The following RGS6 variants were observed in gnomAD, a reference collection of about 807,000 sequenced individuals.
The protein encoded by RGS6 is regulator of G-protein signaling 6.
A neutral mutation model predicts 78.5 loss-of-function variants in RGS6; 30 were observed. The ratio of observed to expected loss-of-function variants is 0.38; its 90% confidence interval spans 0.29 to 0.52. The LOEUF is 0.52. RGS6 is among the 20% of genes least tolerant of loss of function. The pLI is 0.85. For synonymous variants in RGS6, 206 were observed against 206.0 expected (o/e 1.00, Z 0.00); for missense variants, 495 against 609.7 (o/e 0.81, Z 1.98).
At chr14:72,167,063 A>C (rs2096938222) in intron 2 of RGS6, among the ~76,000 whole-genome samples, 1 of 151,488 alleles carries the variant, frequency 6.6e-6, no homozygotes, top group Non-Finnish European at 1.5e-5. Context: ...TTTTTTTTTC[A>C]TACCAGTTCC....
chr14:71,989,793 C>T (rs754926086), intron 2 of RGS6, among the ~76,000 whole-genome samples: 2 of 152,148 alleles, frequency 1.3e-5, no homozygotes, highest in South Asian at 2.1e-4. Flanking sequence ...CCTCCAGAGA[C>T]GAATTTCACG....
At chr14:72,129,545 C>T (rs144672764) in intron 2 of RGS6, among the ~76,000 whole-genome samples, 5 of 152,296 alleles carry the variant, frequency 3.3e-5, no homozygotes, top group African/African-American at 4.8e-5. Context: ...CACAGGCTTC[C>T]ACTGGACAGT....
chr14:72,295,629 C>T (rs921532646), intron 2 of RGS6, among the ~76,000 whole-genome samples: 2 of 152,126 alleles, frequency 1.3e-5, no homozygotes, highest in African/African-American at 2.4e-5. Flanking sequence ...AGTTCCCCTA[C>T]CTGAAAGTCT....
Position 72,385,344 on chromosome 14 carries a change from A to C in RGS6, c.184+33150A>C, listed in dbSNP as rs536858674. On this transcript the variant is annotated intron_variant, in intron 3 of 17. Transcript: ENST00000553525. ...TTTTTCAATTTCTCTTAGGGATCAC[A>C]CAAGGAAGAAAAGTTTTTCAAGACT... 9.8e-5 allele frequency among the ~76,000 whole-genome samples: 15 copies of C among 152,296 alleles called. 1 individual carries two copies. The highest frequency in any genetic ancestry group is 3.1e-4 in the African/African-American group (13 of 41,570).
At chr14:72,628,198 G>C in the RGS6 span, among the ~76,000 whole-genome samples, 2 of 152,132 alleles carry the variant, frequency 1.3e-5, no homozygotes, top group African/African-American at 4.8e-5. Context: ...CCTAATCTTA[G>C]TGGAATTGTG....
At chr14:71,874,286 C>A in the RGS6 span, among the ~76,000 whole-genome samples, 1 of 151,772 alleles carries the variant, frequency 6.6e-6, no homozygotes, top group African/African-American at 2.4e-5. Context: ...ATGGAATGTT[C>A]TTCCATTTGT....
intron 2 of RGS6, among the ~76,000 whole-genome samples, chr14:72,309,730 C>G (rs1043195584): frequency 6.6e-6 from 1 of 152,202 alleles, no homozygotes; most frequent in Admixed American, 6.5e-5. Flanking sequence ...CTCTCATGCT[C>G]AGGAAAAAAT....
At chr14:72,086,043 A>G (rs2095027698) in intron 2 of RGS6, among the ~76,000 whole-genome samples, 1 of 151,848 alleles carries the variant, frequency 6.6e-6, no homozygotes, top group African/African-American at 2.4e-5. Context: ...AGGCTGTGAC[A>G]TTTATTTCTG....
At chr14:72,177,431 T>G (rs2097121030) in intron 2 of RGS6, among the ~76,000 whole-genome samples, 2 of 152,194 alleles carry the variant, frequency 1.3e-5, no homozygotes, top group South Asian at 4.1e-4. Context: ...GGCAGGATGC[T>G]GGAGAAATCC....
chr14:72,454,632 T>G (rs1261504342), intron 4 of RGS6, 54 bp downstream of exon 4: 9 of 1,500,012 alleles, frequency 6.0e-6, no homozygotes, highest in Non-Finnish European at 7.3e-6. Flanking sequence ...AAACATCCCA[T>G]AACCAAGTTC....
intron 2 of RGS6, among the ~76,000 whole-genome samples, chr14:72,267,864 T>G (rs2059317176): frequency 6.6e-6 from 1 of 152,258 alleles, no homozygotes; most frequent in African/African-American, 2.4e-5. Flanking sequence ...CCAATTAATT[T>G]CTGCTCCAAA....
chr14:72,481,063 G>A (rs1037818813), intron 12 of RGS6, among the ~76,000 whole-genome samples: 1 of 152,104 alleles, frequency 6.6e-6, no homozygotes, highest in Admixed American at 6.5e-5. Context: ...GTCTGAAACC[G>A]ACCATCGAGG....
chr14:72,329,284 G>A (rs2074464439), intron 2 of RGS6, among the ~76,000 whole-genome samples: 1 of 152,262 alleles, frequency 6.6e-6, no homozygotes, highest in Non-Finnish European at 1.5e-5. Flanking sequence ...ATGCTTCACG[G>A]CGCTTCTTAT....
chr14:72,375,473 C>T (rs1469467383), intron 3 of RGS6, among the ~76,000 whole-genome samples: 3 of 152,196 alleles, frequency 2.0e-5, no homozygotes, highest in Admixed American at 6.5e-5. Flanking sequence ...CCTAGGCTGG[C>T]TGAGCAGCTG....
intron 15 of RGS6, among the ~76,000 whole-genome samples, chr14:72,524,206 A>T (rs1440247235): frequency 2.0e-5 from 3 of 152,246 alleles, no homozygotes; most frequent in Non-Finnish European, 2.9e-5. Context: ...AAAATGCCAG[A>T]AAAGGATGTA....
At chr14:72,479,906 G>A (rs1342062949) in intron 12 of RGS6, among the ~76,000 whole-genome samples, 2 of 152,212 alleles carry the variant, frequency 1.3e-5, no homozygotes, top group Admixed American at 6.5e-5. Flanking sequence ...TTGAGGGTCG[G>A]TGTGCTAGCA....
At chr14:72,249,209 T>C (rs933313175) in intron 2 of RGS6, among the ~76,000 whole-genome samples, 1 of 152,122 alleles carries the variant, frequency 6.6e-6, no homozygotes, top group Non-Finnish European at 1.5e-5. Context: ...TACCATCCTT[T>C]GCTAAGACAA....
chr14:72,263,139 C>G (rs867295553), intron 2 of RGS6, among the ~76,000 whole-genome samples: 1 of 152,172 alleles, frequency 6.6e-6, no homozygotes, highest in South Asian at 2.1e-4. Flanking sequence ...CCAGGCAGAT[C>G]AAACTGTAAG....
At chr14:72,379,257 C>T (rs2085455816) in intron 3 of RGS6, among the ~76,000 whole-genome samples, 2 of 152,016 alleles carry the variant, frequency 1.3e-5, no homozygotes, top group South Asian at 2.1e-4. Context: ...AAAGCTTTTT[C>T]ACTAAGAACT....
Sources: allele counts gnomAD v4.1 joint callset (sites outside exome capture counted in the v4.1 genomes callset), GRCh38; gene constraint gnomAD v4.1.1; transcripts MANE v1.5; gene names NCBI Gene and HGNC (gene_info 2026-07-23, HGNC 2026-07-21).